The following RRN3 variants were observed in gnomAD, a reference collection of about 807,000 sequenced individuals.
RRN3 encodes the protein RNA polymerase I-specific transcription initiation factor RRN3.
Under a neutral mutation model 82.3 loss-of-function variants are expected in RRN3, and 38 were observed. The observed-to-expected ratio is 0.46, with a 90% CI of 0.36 to 0.61. The LOEUF is 0.61. RRN3 is among the 20% of genes least tolerant of loss of function. The probability of loss-of-function intolerance (pLI) is 0.00; values close to 1 mark genes in which losing one functional copy is unlikely to be tolerated. For missense variants in RRN3, 726 were observed against 793.1 expected (o/e 0.92, Z 1.02); for synonymous variants, 284 against 284.3 (o/e 1.00, Z 0.01).
intron 15 of RRN3, 137 bp downstream of exon 15, chr16:15,068,032 A>C (rs2045050481): frequency 1.4e-6 from 1 of 735,916 alleles, no homozygotes; most frequent in African/African-American, 1.8e-5. Context: ...AAATGTTGAG[A>C]TTACAGGTGT....
chr16:15,067,973 T>C (rs1350316820), intron 15 of RRN3, among the ~76,000 whole-genome samples, 196 bp downstream of exon 15: 6 of 151,948 alleles, frequency 3.9e-5, no homozygotes, highest in Non-Finnish European at 7.4e-5. Flanking sequence ...TTGCTCAGGC[T>C]GGTCTTTTAA....
Position 15,070,166 on chromosome 16 carries a change from C to T in RRN3, c.1348G>A (p.Val450Ile). 1 of 1,609,596 alleles carries T rather than the reference C, an allele frequency of 6.2e-7. No individual in the cohort carries two copies. Among genetic ancestry groups the T allele is most frequent in the South Asian group, 1.1e-5 (1 of 90,788 alleles). The change falls in exon 14 of 18, where the codon GTT becomes ATT. Residue 450 changes from valine to isoleucine, a missense_variant. This residue lies in a region of RRN3 where 81 missense variants were observed against 156.4 expected (regional missense o/e 0.52). Transcript: ENST00000198767. ...GAGTAAAATGGTCCATGGAGAGCAACATCGCAGAATGCCTTTGTTCCCGAA... is the reference window on the plus strand; with the variant it reads ...GAGTAAAATGGTCCATGGAGAGCAATATCGCAGAATGCCTTTGTTCCCGAA... Reference protein sequence around the residue: ...QDSGTKAFCDVALHGPFYSAC... With the variant: ...QDSGTKAFCDIALHGPFYSAC...
At chr16:15,078,581 ACTC>A (rs957979994) in intron 9 of RRN3, among the ~76,000 whole-genome samples, 4 of 152,030 alleles carry the variant, frequency 2.6e-5, no homozygotes, top group African/African-American at 9.7e-5. Flanking sequence ...TGCTGACCAA[ACTC>A]CTCCTTCCGG....
intron 1 of RRN3, among the ~76,000 whole-genome samples, chr16:15,092,862 T>C (rs2046192067): frequency 1.3e-5 from 2 of 152,320 alleles, no homozygotes; most frequent in South Asian, 4.1e-4. Flanking sequence ...ATCTGGCCCC[T>C]GCCTACCTCT....
intron 16 of RRN3, 120 bp from the exon 17 acceptor site, chr16:15,063,403 A>C: frequency 1.3e-6 from 1 of 789,686 alleles, no homozygotes; most frequent in East Asian, 2.5e-5. Flanking sequence ...CTACAGCTTA[A>C]ATAATTACAT....
chr16:15,094,009 G>A (rs563028089), intron 1 of RRN3, 136 bp downstream of exon 1: 1 of 753,512 alleles, frequency 1.3e-6, no homozygotes, highest in Non-Finnish European at 2.3e-6. Flanking sequence ...TCATTTCTGT[G>A]AACGTGAGAT....
At chr16:15,072,777 A>G (rs1395994499) in intron 12 of RRN3, among the ~76,000 whole-genome samples, 173 bp downstream of exon 12, 9 of 152,212 alleles carry the variant, frequency 5.9e-5, no homozygotes, top group Non-Finnish European at 1.2e-4. Context: ...CAAAAAAGAA[A>G]GGAAAAGAAA....
chr16:15,073,718 A>C (rs2045336910), intron 11 of RRN3, among the ~76,000 whole-genome samples: 1 of 152,180 alleles, frequency 6.6e-6, no homozygotes, highest in South Asian at 2.1e-4. Flanking sequence ...TGTTCATTAT[A>C]ACTGTTACTT....
At chr16:15,068,920 A>G (rs79164617) in intron 14 of RRN3, among the ~76,000 whole-genome samples, 1 of 152,208 alleles carries the variant, frequency 6.6e-6, no homozygotes, top group African/African-American at 2.4e-5. Context: ...TTTCTTTGAT[A>G]CGTATTTCAA....
At chr16:15,083,050 A>G (rs2151807036) in intron 8 of RRN3, among the ~76,000 whole-genome samples, 1 of 152,348 alleles carries the variant, frequency 6.6e-6, no homozygotes, top group African/African-American at 2.4e-5. Flanking sequence ...TAAGAAAGGA[A>G]TCTGAGTCAA....
intron 10 of RRN3, 66 bp from the exon 11 acceptor site, chr16:15,074,927 C>T (rs1273673522): frequency 6.9e-7 from 1 of 1,449,562 alleles, no homozygotes; most frequent in Non-Finnish European, 9.4e-7. Context: ...AGTAGGAAAA[C>T]TGTCATAAGT....
chr16:15,094,161 C>T lies in RRN3; in HGVS notation c.73G>A (p.Gly25Ser), dbSNP rs141593500. The change falls in exon 1 of 18, where the codon GGC (glycine) becomes AGC (serine). Residue 25 changes from glycine to serine, a missense_variant. Transcript: ENST00000198767. ...GAATCTTACCCAGTCCTCGACGCGC[C>T]CAGCTTCTTAACTGCAGAGGACGAA... ...AASSSAVKKLGASRTGISNMR... is the reference protein window; with the variant it reads ...AASSSAVKKLSASRTGISNMR... 8.0e-4 allele frequency: 1,278 copies of T among 1,601,156 alleles called. 20 individuals carry two copies. The South Asian group carries it at 0.011, about 13-fold the overall frequency.
chr16:15,065,058 C>A (rs1338163070), intron 16 of RRN3, among the ~76,000 whole-genome samples, 161 bp downstream of exon 16: 1 of 151,358 alleles, frequency 6.6e-6, no homozygotes, highest in Admixed American at 6.6e-5. Flanking sequence ...CCCAGCTACT[C>A]GGGAGGCTGA....
chr16:15,070,272 T>G lies in RRN3; in HGVS notation c.1260-18A>C, dbSNP rs1225376820. The G allele has an allele frequency of 1.2e-6, 2 of 1,611,280 alleles. No homozygotes were observed. Among genetic ancestry groups the G allele is most frequent in the Non-Finnish European group, 1.7e-6 (2 of 1,179,744 alleles). ...TTACAGTACTAGAGAAAAGAAAAAT[T>G]CAAGTCAACTTTACACATCATAAAA... is the stretch of plus-strand genomic sequence containing the variant. On this transcript the variant is annotated intron_variant, in intron 13 of 17. Coordinates refer to ENST00000198767, the MANE Select transcript of RRN3 (RefSeq NM_018427.5).
At chr16:15,077,766 C>G (rs571312274) in intron 9 of RRN3, among the ~76,000 whole-genome samples, 29 of 152,256 alleles carry the variant, frequency 1.9e-4, no homozygotes, top group African/African-American at 3.6e-4. Flanking sequence ...GCTTGAACCC[C>G]GGAGGTGGAG....
rs1025590270 is a variant in RRN3 at position 15,063,435 on chromosome 16, G to T, written c.1707-152C>A. 1.2e-5 allele frequency: 8 copies of T among 686,274 alleles called. No homozygotes were observed. The African/African-American group carries it at 1.3e-4, about 11-fold the overall frequency. 42.5% of individuals were successfully genotyped at this position (686,274 alleles called of 1,614,324 possible). On this transcript the variant is annotated intron_variant, in intron 16 of 17. Transcript: ENST00000198767. ...ACATTTAAAAAAAACCTGGCTGGGTGCAGTGGCTCACGCCTGTAATCCCAG... is the reference window on the plus strand; with the variant it reads ...ACATTTAAAAAAAACCTGGCTGGGTTCAGTGGCTCACGCCTGTAATCCCAG...
intron 3 of RRN3, among the ~76,000 whole-genome samples, chr16:15,090,486 C>A (rs2046087650): frequency 6.6e-6 from 1 of 152,144 alleles, no homozygotes; most frequent in Non-Finnish European, 1.5e-5. Flanking sequence ...ATAGTCCCAG[C>A]TTTTTAGAAG....
intron 16 of RRN3, among the ~76,000 whole-genome samples, chr16:15,064,335 C>T (rs1242841374): frequency 6.6e-6 from 1 of 152,132 alleles, no homozygotes; most frequent in Non-Finnish European, 1.5e-5. Context: ...CCACCACACC[C>T]AGCTAATTTT....
chr16:15,068,250 A>G lies in RRN3; in HGVS notation c.1472T>C (p.Phe491Ser). 3.8e-6 allele frequency: 6 copies of G among 1,583,492 alleles called. No individual in the cohort carries two copies. Among genetic ancestry groups the G allele is most frequent in the Non-Finnish European group, 5.1e-6 (6 of 1,167,224 alleles). Residue 491 changes from phenylalanine to serine, a missense_variant, in exon 15 of 18, where the codon TTT (phenylalanine) becomes TCT (serine). This residue lies in a region of RRN3 where 81 missense variants were observed against 156.4 expected (regional missense o/e 0.52). Transcript: ENST00000198767. ...TAGCTGGCTCATCACTATCCGCTCA[A>G]AATTCAGACTCTGAAGATACTGCAA... ...EGLQYLQSLN[F>S]ERIVMSQLNP...
Sources: gnomAD v4.1 joint callset for allele counts (sites outside exome capture counted in the v4.1 genomes callset) on GRCh38, gnomAD v4.1.1 for gene constraint, gnomAD v4.1.1 regional missense constraint, MANE v1.5 for transcripts, NCBI Gene and HGNC (gene_info 2026-07-23, HGNC 2026-07-21) for gene names.